KCNN2: variants seen among roughly 807,000 people sequenced by gnomAD.
KCNN2 encodes the protein potassium calcium-activated channel subfamily N member 2, also known as small conductance calcium-activated potassium channel protein 2.
In KCNN2, 24 loss-of-function variants were observed where a neutral mutation model predicts 55.5. The observed-to-expected ratio is 0.43, with a 90% CI of 0.31 to 0.61. The LOEUF (loss-of-function observed/expected upper bound fraction) is 0.61, where lower values mean the gene tolerates loss of function less well. Among genes scored for constraint, KCNN2 ranks in the 20% least tolerant of loss-of-function variants. KCNN2 has a pLI of 0.08. For missense variants in KCNN2, 754 were observed against 853.6 expected (o/e 0.88, Z 1.45); for synonymous variants, 431 against 336.1 (o/e 1.28, Z -3.09).
intron 3 of KCNN2, among the ~76,000 whole-genome samples, chr5:114,429,430 AT>A (rs1456382357): frequency 6.6e-6 from 1 of 151,916 alleles, no homozygotes; most frequent in Non-Finnish European, 1.5e-5. Context: ...TCATTTGCTC[AT>A]TTGCCATCTG....
At chr5:114,299,514 C>G (rs1756107358) in intron 2 of KCNN2, among the ~76,000 whole-genome samples, 1 of 152,196 alleles carries the variant, frequency 6.6e-6, no homozygotes, top group Non-Finnish European at 1.5e-5. Context: ...CCTTTTCCTC[C>G]TTCTGCTCTT....
At chr5:114,113,527 A>G (rs1353618192) in intron 1 of KCNN2, among the ~76,000 whole-genome samples, 1 of 152,056 alleles carries the variant, frequency 6.6e-6, no homozygotes, top group Non-Finnish European at 1.5e-5. Context: ...AGGCAAAAAA[A>G]TTTTATCTGA....
intron 2 of KCNN2, among the ~76,000 whole-genome samples, chr5:114,223,860 C>T (rs1157239988): frequency 6.6e-6 from 1 of 152,118 alleles, no homozygotes; most frequent in Non-Finnish European, 1.5e-5. Context: ...AGGACCCAAA[C>T]CTTTGAAGAA....
At chr5:114,493,814 T>C (rs1360505821) in intron 7 of KCNN2, among the ~76,000 whole-genome samples, 1 of 152,112 alleles carries the variant, frequency 6.6e-6, no homozygotes, top group Non-Finnish European at 1.5e-5. Context: ...GCATCCTAGG[T>C]GTGACTGTGA....
At chr5:114,211,172 A>G (rs1473447599) in intron 1 of KCNN2, among the ~76,000 whole-genome samples, 3 of 152,170 alleles carry the variant, frequency 2.0e-5, no homozygotes, top group African/African-American at 7.2e-5. Context: ...GAGAGATAAA[A>G]ACAGAAATAC....
intron 2 of KCNN2, among the ~76,000 whole-genome samples, chr5:114,255,172 A>C (rs1754957438): frequency 6.6e-6 from 1 of 152,188 alleles, no homozygotes; most frequent in Non-Finnish European, 1.5e-5. Flanking sequence ...ACAAAGAGAA[A>C]AATGCCAGAT....
intron 3 of KCNN2, among the ~76,000 whole-genome samples, chr5:114,458,877 A>T (rs1009129862): frequency 1.3e-5 from 2 of 152,192 alleles, no homozygotes; most frequent in Non-Finnish European, 2.9e-5. Context: ...CAGCAGAAGG[A>T]AATACATCTG....
At chr5:114,228,442 C>A (rs2112600668) in intron 2 of KCNN2, among the ~76,000 whole-genome samples, 1 of 152,136 alleles carries the variant, frequency 6.6e-6, no homozygotes, top group African/African-American at 2.4e-5. Flanking sequence ...ATTTTAAAAG[C>A]AGACAGTTTA....
At chr5:114,304,533 C>T (rs557734270) in intron 2 of KCNN2, among the ~76,000 whole-genome samples, 1 of 152,288 alleles carries the variant, frequency 6.6e-6, no homozygotes, top group African/African-American at 2.4e-5. Flanking sequence ...TCATCTTGAC[C>T]AGGGCAGACT....
At position 114,423,559 on chromosome 5, in the gene KCNN2, G is replaced by A. The variant is rs554489195; in HGVS notation, c.1637+18703G>A. 1.7e-4 allele frequency among the ~76,000 whole-genome samples: 26 copies of A among 152,202 alleles called. No homozygotes were observed. In the East Asian group the frequency reaches 4.8e-3, roughly 28 times the overall value. ...AACCCTGCAAACAGGTCCAGGGGCA[G>A]CAATGAAAAGAGATATAAAATTTCT... On this transcript the variant is annotated intron_variant, in intron 3 of 7. Coordinates refer to ENST00000673685, the MANE Select transcript of KCNN2 (RefSeq NM_021614.4).
intron 1 of KCNN2, among the ~76,000 whole-genome samples, chr5:114,196,189 C>A (rs1304903378): frequency 6.6e-6 from 1 of 151,756 alleles, no homozygotes; most frequent in Non-Finnish European, 1.5e-5. Context: ...GATGTTAAAC[C>A]ACTGTTGCAT....
chr5:114,454,070 G>A (rs376524232), intron 3 of KCNN2, among the ~76,000 whole-genome samples: 6 of 152,058 alleles, frequency 3.9e-5, no homozygotes, highest in South Asian at 2.1e-4. Flanking sequence ...GAGAACATGC[G>A]GTGTTTGGTT....
intron 3 of KCNN2, among the ~76,000 whole-genome samples, chr5:114,417,407 A>T (rs755988570): frequency 2.0e-5 from 3 of 152,136 alleles, no homozygotes; most frequent in Non-Finnish European, 2.9e-5. Flanking sequence ...ATGGGTTCTG[A>T]GAAGTTTGGA....
At chr5:114,152,581 C>G (rs1220466572) in intron 1 of KCNN2, among the ~76,000 whole-genome samples, 1 of 152,098 alleles carries the variant, frequency 6.6e-6, no homozygotes, top group African/African-American at 2.4e-5. Context: ...TTTATGGGAG[C>G]TTATTCTATA....
intron 2 of KCNN2, among the ~76,000 whole-genome samples, chr5:114,377,426 G>C (rs535212538): frequency 3.9e-5 from 6 of 152,200 alleles, no homozygotes; most frequent in Non-Finnish European, 8.8e-5. Flanking sequence ...AGTCATGTTG[G>C]ATGGTGTCTG....
At chr5:114,457,832 G>A (rs1479017437) in intron 3 of KCNN2, among the ~76,000 whole-genome samples, 1 of 152,112 alleles carries the variant, frequency 6.6e-6, no homozygotes, top group Non-Finnish European at 1.5e-5. Context: ...TTAAAGTGGG[G>A]GCCATTGTAT....
chr5:114,219,482 G>A (rs1417167378), intron 1 of KCNN2, among the ~76,000 whole-genome samples: 1 of 152,164 alleles, frequency 6.6e-6, no homozygotes, highest in African/African-American at 2.4e-5. Context: ...ATCCTCACCT[G>A]AAGTCCACCT....
intron 3 of KCNN2, among the ~76,000 whole-genome samples, chr5:114,436,895 C>A (rs1030318419): frequency 2.6e-5 from 4 of 152,134 alleles, no homozygotes; most frequent in African/African-American, 9.7e-5. Context: ...ATGTGGCTGG[C>A]ATTATTGAGG....
chr5:114,448,965 G>A (rs542674923), intron 3 of KCNN2, among the ~76,000 whole-genome samples: 19 of 152,290 alleles, frequency 1.2e-4, no homozygotes, highest in African/African-American at 3.8e-4. Context: ...AGGAATACGT[G>A]ACTGATACTA....
Sources: gnomAD v4.1 joint callset for allele counts (sites outside exome capture counted in the v4.1 genomes callset) on GRCh38, gnomAD v4.1.1 for gene constraint, MANE v1.5 for transcripts, NCBI Gene and HGNC (gene_info 2026-07-23, HGNC 2026-07-21) for gene names.